Variants in GEMIN2 observed in about 807,000 individuals in gnomAD.
GEMIN2 encodes the protein gem nuclear organelle associated protein 2, also known as gem-associated protein 2.
GEMIN2 carries 37 observed loss-of-function variants against 45.8 expected under a neutral mutation model. The observed-to-expected ratio is 0.81, with a 90% confidence interval of 0.62 to 1.06. The LOEUF (loss-of-function observed/expected upper bound fraction) is 1.06, where lower values mean the gene tolerates loss of function less well. Among genes scored for constraint, GEMIN2 ranks in the 50% least tolerant of loss-of-function variants. The probability of loss-of-function intolerance (pLI) is 0.00; values close to 1 mark genes in which losing one functional copy is unlikely to be tolerated. For missense variants in GEMIN2, 335 were observed against 321.8 expected (o/e 1.04, Z -0.31); for synonymous variants, 101 against 111.5 (o/e 0.91, Z 0.60).
intron 3 of GEMIN2, 61 bp from the exon 4 acceptor site, chr14:39,118,479 C>T: frequency 1.2e-6 from 1 of 801,132 alleles, no homozygotes; most frequent in Non-Finnish European, 2.2e-6. Context: ...TGTGCAGAAA[C>T]TGATTTCAGT....
intron 3 of GEMIN2, 152 bp downstream of exon 3, chr14:39,118,240 G>T: frequency 2.0e-6 from 1 of 503,692 alleles, no homozygotes; most frequent in East Asian, 3.1e-5. Flanking sequence ...ACATGATACA[G>T]TTTGAAATAT....
Position 39,114,344 on chromosome 14 carries a change from G to A in GEMIN2, c.6G>A (p.Ala2=), listed in dbSNP as rs548120115. 2.3e-5 allele frequency: 37 copies of A among 1,613,974 alleles called. No homozygotes were observed. In the African/African-American group the frequency reaches 3.5e-4, roughly 15 times the overall value. The part of the protein sequence containing the change: M[A]WVPAESAVEE... Reference sequence around the variant, plus strand: ...AACTGGCTGGTTTGAAAACCATGGCGTGGGTACCAGCGGAGTCCGCAGTGG... The same window carrying A: ...AACTGGCTGGTTTGAAAACCATGGCATGGGTACCAGCGGAGTCCGCAGTGG... Residue 2 remains alanine (A), a synonymous_variant, in exon 1 of 10, where the codon GCG becomes GCA. Coordinates refer to ENST00000308317, the MANE Select transcript of GEMIN2 (RefSeq NM_003616.3).
chr14:39,115,030 A>T (rs979765225), intron 2 of GEMIN2, 117 bp downstream of exon 2: 1 of 646,428 alleles, frequency 1.5e-6, no homozygotes, highest in African/African-American at 1.8e-5. Context: ...CTCCGTGCAA[A>T]GTTAGACATT....
At chr14:39,124,031 A>C (rs972246557) in intron 5 of GEMIN2, among the ~76,000 whole-genome samples, 19 of 151,960 alleles carry the variant, frequency 1.3e-4, no homozygotes, top group African/African-American at 4.1e-4. Flanking sequence ...ATGAGCTATC[A>C]TGGCTAGCCA....
intron 6 of GEMIN2, among the ~76,000 whole-genome samples, chr14:39,127,517 A>T (rs2052660256): frequency 6.6e-6 from 1 of 150,814 alleles, no homozygotes; most frequent in Non-Finnish European, 1.5e-5. Context: ...TAATTTTTGT[A>T]TTTTTAGTAG....
At position 39,118,084 on chromosome 14, in the gene GEMIN2, G is replaced by T. The variant is rs993988805; in HGVS notation, c.308G>T (p.Arg103Leu). 6.5e-7 allele frequency: 1 copy of T among 1,548,740 alleles called. No individual in the cohort carries two copies. Among genetic ancestry groups the T allele is most frequent in the Non-Finnish European group, 8.9e-7 (1 of 1,124,100 alleles). The change falls in exon 3 of 10, where the codon CGA becomes CTA. Residue 103 changes from arginine (R) to leucine (L), a missense_variant. By Grantham distance (102) the Arg-to-Leu change is moderately radical. Transcript: ENST00000308317. ...QQQVAQFSTVRQNVNKHRSHW... is the reference protein window; with the variant it reads ...QQQVAQFSTVLQNVNKHRSHW... ...CAAGTGGCACAGTTTTCAACTGTTC[G>T]ACAGGTAAGTGTCATATTTAATCTA...
At chr14:39,136,315 A>G (rs986824324) in intron 9 of GEMIN2, 125 bp from the exon 10 acceptor site, 2 of 629,086 alleles carry the variant, frequency 3.2e-6, no homozygotes, top group Admixed American at 5.7e-5. Context: ...CTATGTAGAC[A>G]TACTATAGCT....
At chr14:39,126,912 C>T (rs1351822687) in intron 6 of GEMIN2, among the ~76,000 whole-genome samples, 1 of 151,910 alleles carries the variant, frequency 6.6e-6, no homozygotes, top group Non-Finnish European at 1.5e-5. Context: ...ACTACAGGCG[C>T]ACACCATCAC....
Position 39,132,006 on chromosome 14 carries a change from C to G in GEMIN2, c.649C>G (p.Pro217Ala), listed in dbSNP as rs779282243. The change falls in exon 8 of 10, where the codon CCT becomes GCT. Residue 217 changes from proline to alanine, a missense_variant. Pro to Ala is a conservative substitution (Grantham distance 27). Transcript: ENST00000308317. ...LLACLEKPLL[P>A]EAHSLIRQLA... ...GGCTTGTCTTGAAAAGCCTTTGTTA[C>G]CTGAGGCTCATTCACTGATTCGGCA... 3 of 1,606,664 alleles carry G rather than the reference C, an allele frequency of 1.9e-6. No individual in the cohort carries two copies. The Admixed American group carries it at 5.0e-5, about 27-fold the overall frequency.
chr14:39,133,702 A>C lies in GEMIN2; in HGVS notation c.753A>C (p.Leu251Phe). The C allele has an allele frequency of 6.5e-7, 1 of 1,541,446 alleles. No homozygotes were observed. The highest frequency in any genetic ancestry group is 8.8e-7 in the Non-Finnish European group (1 of 1,135,738). The part of the protein sequence containing the change: ...DDERVPALNL[L>F]ICLVSRYFDQ... The stretch of plus-strand genomic sequence containing the variant: ...AGAGGGTTCCTGCTTTGAATTTATT[A>C]ATCTGCTTGGTTAGCAGGTATAGTT... Residue 251 changes from leucine to phenylalanine, a missense_variant, in exon 9 of 10, where the codon TTA becomes TTC. By Grantham distance (22) the Leu-to-Phe change is conservative. Coordinates refer to ENST00000308317, the MANE Select transcript of GEMIN2 (RefSeq NM_003616.3).
chr14:39,134,216 CTTTT>C (rs1042506107), intron 9 of GEMIN2: 1 of 151,998 alleles, frequency 6.6e-6, no homozygotes, highest in Non-Finnish European at 1.5e-5. Context: ...TATTTGAAAA[CTTTT>C]TTTGTTGTTT....
Position 39,114,986 on chromosome 14 carries a change from C to T in GEMIN2, c.222+73C>T, listed in dbSNP as rs533049928. The T allele has an allele frequency of 4.2e-5, 32 of 756,116 alleles. No homozygotes were observed. The Admixed American group carries it at 6.4e-4, about 15-fold the overall frequency. The allele number at this position is 756,116 out of a possible 1,614,324, so 46.8% of individuals were successfully genotyped here. A position where few individuals can be genotyped will look rare whatever the true frequency, so the allele number is the denominator to read the frequency against. On this transcript the variant is annotated intron_variant, in intron 2 of 9. Coordinates refer to ENST00000308317, the MANE Select transcript of GEMIN2 (RefSeq NM_003616.3). ...AAGACTAACGCTCTTCCTATAGTATCTGACAGCATCAATTATGACGTAAGA... is the reference window on the plus strand; with the variant it reads ...AAGACTAACGCTCTTCCTATAGTATTTGACAGCATCAATTATGACGTAAGA...
At chr14:39,116,602 C>A (rs2052510861) in intron 2 of GEMIN2, among the ~76,000 whole-genome samples, 1 of 78,908 alleles carries the variant, frequency 1.3e-5, no homozygotes, top group African/African-American at 4.9e-5. Flanking sequence ...TAGTAATTTC[C>A]TTTTCATGCT....
At chr14:39,134,041 C>T (rs2139361261) in intron 9 of GEMIN2, 1 of 168,348 alleles carries the variant, frequency 5.9e-6, no homozygotes, top group Non-Finnish European at 1.3e-5. Flanking sequence ...AAGCGATCCT[C>T]CCACCTAAGC....
At chr14:39,124,816 C>T (rs76124721) in intron 5 of GEMIN2, among the ~76,000 whole-genome samples, 176 bp from the exon 6 acceptor site, 2,215 of 151,892 alleles carry the variant, frequency 0.015, 61 homozygotes, top group African/African-American at 0.05. Flanking sequence ...TATTTTCTTC[C>T]GCATTACAAA....
At chr14:39,122,065 G>A (rs1398917244) in intron 4 of GEMIN2, 7 of 192,534 alleles carry the variant, frequency 3.6e-5, no homozygotes, top group South Asian at 2.8e-4. Flanking sequence ...CTTGCATAGG[G>A]CCACCTTCTC....
chr14:39,116,483 C>T (rs1379069843), intron 2 of GEMIN2, among the ~76,000 whole-genome samples: 4 of 148,766 alleles, frequency 2.7e-5, no homozygotes, highest in Non-Finnish European at 4.4e-5. Flanking sequence ...GTGGCGCGAT[C>T]TCGGCTCACT....
intron 5 of GEMIN2, among the ~76,000 whole-genome samples, chr14:39,123,581 G>T (rs1474679487): frequency 6.7e-6 from 1 of 149,872 alleles, no homozygotes; most frequent in Non-Finnish European, 1.5e-5. Flanking sequence ...TGGTACAGGA[G>T]TATAAATAGA....
At chr14:39,115,698 G>A (rs1234289100) in intron 2 of GEMIN2, among the ~76,000 whole-genome samples, 4 of 151,792 alleles carry the variant, frequency 2.6e-5, no homozygotes, top group East Asian at 3.9e-4. Context: ...CTCGTGATGC[G>A]CCCACCTCTG....
Sources: gnomAD v4.1 joint callset for allele counts (sites outside exome capture counted in the v4.1 genomes callset) on GRCh38, gnomAD v4.1.1 for gene constraint, MANE v1.5 for transcripts, NCBI Gene and HGNC (gene_info 2026-07-23, HGNC 2026-07-21) for gene names.